Variants in ZNF200 observed in about 807,000 individuals in gnomAD.
ZNF200 encodes the protein zinc finger protein 200.
A neutral mutation model predicts 33.6 loss-of-function variants in ZNF200; 35 were observed. That is an observed-to-expected ratio of 1.04 (90% CI 0.80 to 1.38). ZNF200 has a LOEUF of 1.38. Ranked by LOEUF, ZNF200 falls within the 40% of genes most tolerant of loss-of-function variation. The pLI, the probability that ZNF200 is intolerant of heterozygous loss-of-function variation, is 0.00. For missense variants in ZNF200, 592 were observed against 470.6 expected (o/e 1.26, Z -2.39); for synonymous variants, 209 against 167.7 (o/e 1.25, Z -1.90).
chr16:3,223,682 T>C lies in ZNF200; in HGVS notation c.*210A>G. On this transcript the variant is annotated 3_prime_UTR_variant, in exon 5 of 5. Transcript: ENST00000414144. ...GGAAAGCTCCTTAGTCCAAAAAGCC[T>C]AGATGCTGAGGTATAGCCCTTGAAA... is the stretch of plus-strand genomic sequence containing the variant. 1 of 637,586 alleles carries C rather than the reference T, an allele frequency of 1.6e-6. No individual in the cohort carries two copies. Among genetic ancestry groups the C allele is most frequent in the Non-Finnish European group, 2.5e-6 (1 of 402,776 alleles). 39.5% of individuals were successfully genotyped at this position (637,586 alleles called of 1,614,324 possible).
intron 1 of ZNF200, 98 bp from the exon 2 acceptor site, chr16:3,233,934 G>C: frequency 1.8e-4 from 150 of 840,802 alleles, no homozygotes; most frequent in Middle Eastern, 8.1e-4. Context: ...GAGATCTAAA[G>C]AAAACGACAG....
In ZNF200 at chr16:3,224,321, AG is replaced by A. The variant is rs1334072877; in HGVS notation, c.758del (p.Thr253IlefsTer79). On this transcript the variant is annotated frameshift_variant, in exon 5 of 5. Transcript: ENST00000414144. LOFTEE classifies it high-confidence loss of function. The stretch of plus-strand genomic sequence containing the variant: ...TAAACTGTTTCCCACACAGTGGACA[AG>A]TGTACCATCTCCTTGTCCTCCGATT... ...TRNRRTRRWY[T>X]CPLCGKQFNE... The A allele has an allele frequency of 1.2e-6, 2 of 1,614,104 alleles. No homozygotes were observed. The highest frequency in any genetic ancestry group is 1.7e-6 in the Non-Finnish European group (2 of 1,180,036).
rs1958403235 is a variant in ZNF200, at chr16:3,224,124, T to G, written c.956A>C (p.Gln319Pro). 1 of 1,614,042 alleles carries G rather than the reference T, an allele frequency of 6.2e-7. No individual in the cohort carries two copies. Among genetic ancestry groups the G allele is most frequent in the Non-Finnish European group, 8.5e-7 (1 of 1,180,038 alleles). Residue 319 changes from glutamine to proline, a missense_variant, in exon 5 of 5, where the codon CAG becomes CCG. Coordinates refer to ENST00000414144, the MANE Select transcript of ZNF200 (RefSeq NM_198088.3). Reference sequence around the variant, plus strand: ...TTCATGACGACTCCGATGAGAATTCTGACGGAAGTTTTTTCCACACTGAGA... The same window carrying G: ...TTCATGACGACTCCGATGAGAATTCGGACGGAAGTTTTTTCCACACTGAGA... ...SCSQCGKNFR[Q>P]NSHRSRHEGI...
rs746117764 is a variant in ZNF200 at position 3,232,547 on chromosome 16, C to T, written c.340G>A (p.Glu114Lys). 18 of 1,613,466 alleles carry T rather than the reference C, an allele frequency of 1.1e-5. No homozygotes were observed. The South Asian group carries it at 1.8e-4, about 16-fold the overall frequency. Reference protein sequence around the residue: ...VSLYLKANPEELVVFEDLNVF... With the variant: ...VSLYLKANPEKLVVFEDLNVF... ...TTCAAATCCTCAAAGACCACCAGCTCCTGAAAGAGCAAGAGGCCCCTTTCA... is the reference window on the plus strand; with the variant it reads ...TTCAAATCCTCAAAGACCACCAGCTTCTGAAAGAGCAAGAGGCCCCTTTCA... Residue 114 changes from glutamate to lysine, a missense_variant and splice_region_variant, in exon 4 of 5, where the codon GAG (glutamate) becomes AAG (lysine). Physicochemically the swap from Glu to Lys is moderately conservative, Grantham distance 56. Coordinates refer to ENST00000414144, the MANE Select transcript of ZNF200 (RefSeq NM_198088.3).
chr16:3,227,344 C>T (rs1202102971), intron 4 of ZNF200: 3 of 152,224 alleles, frequency 2.0e-5, no homozygotes, highest in Non-Finnish European at 4.4e-5. Flanking sequence ...AAAGGAATCA[C>T]TCATATTTTC....
intron 4 of ZNF200, among the ~76,000 whole-genome samples, chr16:3,229,636 C>T (rs1333824273): frequency 1.3e-5 from 2 of 152,004 alleles, no homozygotes; most frequent in East Asian, 3.8e-4. Flanking sequence ...GAGGCCAAGG[C>T]GGGCAGATCA....
intron 4 of ZNF200, among the ~76,000 whole-genome samples, chr16:3,231,097 C>A (rs185248268): frequency 1.3e-5 from 2 of 152,180 alleles, no homozygotes; most frequent in Admixed American, 1.3e-4. Context: ...CTTAAGCCAC[C>A]AGCTTCAGGG....
At chr16:3,233,938 A>T in intron 1 of ZNF200, 102 bp from the exon 2 acceptor site, 1 of 865,354 alleles carries the variant, frequency 1.2e-6, no homozygotes, top group Non-Finnish European at 1.7e-6. Flanking sequence ...TCTAAAGAAA[A>T]CGACAGCTGG....
At chr16:3,233,916 G>T in intron 1 of ZNF200, 80 bp from the exon 2 acceptor site, 1 of 1,165,592 alleles carries the variant, frequency 8.6e-7, no homozygotes. Context: ...TGGCTGGTGA[G>T]GCTACATGAG....
rs182690348 is a variant in ZNF200 at position 3,223,801 on chromosome 16, A to G, written c.*91T>C. The G allele has an allele frequency of 7.1e-5, 106 of 1,494,898 alleles. No homozygotes were observed. The East Asian group carries it at 2.4e-3, about 33-fold the overall frequency. The allele number at this position is 1,494,898 out of a possible 1,614,324, so 92.6% of individuals were successfully genotyped here. Reference sequence around the variant, plus strand: ...GCAATAATGAGATTTTTACACATTTATACCTTTTTAGGCAGCTTGGGAATT... The same window carrying G: ...GCAATAATGAGATTTTTACACATTTGTACCTTTTTAGGCAGCTTGGGAATT... On this transcript the variant is annotated 3_prime_UTR_variant, in exon 5 of 5. Coordinates refer to ENST00000414144, the MANE Select transcript of ZNF200 (RefSeq NM_198088.3).
At chr16:3,232,693 G>T in intron 3 of ZNF200, 140 bp downstream of exon 3, 1 of 1,423,588 alleles carries the variant, frequency 7.0e-7, no homozygotes, top group Admixed American at 2.0e-5. Flanking sequence ...AGACAGGACA[G>T]CCAGGCTGAG....
intron 4 of ZNF200, among the ~76,000 whole-genome samples, chr16:3,229,987 G>C (rs1261137923): frequency 6.6e-6 from 1 of 152,244 alleles, no homozygotes; most frequent in African/African-American, 2.4e-5. Context: ...CCTAGTCGGA[G>C]GTGTCTGCAT....
At chr16:3,231,163 A>G (rs561388245) in intron 4 of ZNF200, among the ~76,000 whole-genome samples, 1 of 152,170 alleles carries the variant, frequency 6.6e-6, no homozygotes. Context: ...GGGGCCCTGA[A>G]GTGCATAGTC....
intron 4 of ZNF200, chr16:3,225,626 A>G (rs1171125724): frequency 6.6e-6 from 1 of 152,162 alleles, no homozygotes; most frequent in African/African-American, 2.4e-5. Context: ...TAGTGTGTAC[A>G]TTTTGTGAAA....
Position 3,233,701 on chromosome 16 carries a change from G to A in ZNF200, c.55C>T (p.Leu19=), listed in dbSNP as rs569531937. 2 of 1,613,742 alleles carry A rather than the reference G, an allele frequency of 1.2e-6. No individual in the cohort carries two copies. Among genetic ancestry groups the A allele is most frequent in the Admixed American group, 1.7e-5 (1 of 59,996 alleles). The stretch of plus-strand genomic sequence containing the variant: ...AGCTTGGAGTCTGGCGGAACTCTCA[G>A]TATAAAGGACTGCTTTGGCTTTGGG... ...MPPKPKQSFI[L]RVPPDSKLGQ... The change falls in exon 2 of 5, where the codon CTG becomes TTG. Residue 19 remains leucine (L), a synonymous_variant. Transcript: ENST00000414144.
At chr16:3,234,566 G>C (rs777517182) in intron 1 of ZNF200, 1 of 152,462 alleles carries the variant, frequency 6.6e-6, no homozygotes, top group Admixed American at 6.5e-5. Context: ...TAGAAGACAG[G>C]AAATCTGGGG....
chr16:3,223,693 G>T lies in ZNF200; in HGVS notation c.*199C>A, dbSNP rs1958389410. 4.0e-6 allele frequency: 3 copies of T among 750,180 alleles called. No individual in the cohort carries two copies. The highest frequency in any genetic ancestry group is 6.2e-6 in the Non-Finnish European group (3 of 485,942). The allele number at this position is 750,180 out of a possible 1,614,324, so 46.5% of individuals were successfully genotyped here. On this transcript the variant is annotated 3_prime_UTR_variant, in exon 5 of 5. Transcript: ENST00000414144. ...TAGTCCAAAAAGCCTAGATGCTGAG[G>T]TATAGCCCTTGAAATGTTTTCTTCC...
intron 2 of ZNF200, 106 bp from the exon 3 acceptor site, chr16:3,233,027 A>G (rs1958684399): frequency 2.0e-6 from 2 of 994,088 alleles, no homozygotes; most frequent in Non-Finnish European, 3.0e-6. Context: ...CAGGTAACTC[A>G]TGGCCTTTTC....
intron 4 of ZNF200, among the ~76,000 whole-genome samples, chr16:3,230,743 C>T (rs1308940765): frequency 6.6e-6 from 1 of 152,170 alleles, no homozygotes; most frequent in Non-Finnish European, 1.5e-5. Context: ...GCTCCCCAAT[C>T]CCTATATCCT....
Sources: allele counts gnomAD v4.1 joint callset (sites outside exome capture counted in the v4.1 genomes callset), GRCh38; gene constraint gnomAD v4.1.1; transcripts MANE v1.5; gene names NCBI Gene and HGNC (gene_info 2026-07-23, HGNC 2026-07-21).